RBFOX1: variants seen among roughly 807,000 people sequenced by gnomAD.
RBFOX1 encodes RNA binding protein fox-1 homolog 1.
Under a neutral mutation model 57.7 loss-of-function variants are expected in RBFOX1, and 8 were observed. The ratio of observed to expected loss-of-function variants is 0.14; its 90% CI spans 0.08 to 0.25. The LOEUF is 0.25. RBFOX1 is among the 10% of genes least tolerant of loss of function. The pLI is 1.00. For synonymous variants in RBFOX1, 326 were observed against 222.4 expected, an observed-to-expected ratio of 1.47 and a Z score of -4.15; for missense variants, 611 against 548.5, an observed-to-expected ratio of 1.11 and a Z score of -1.14.
chr16:7,596,257 A>G (rs187225199), intron 8 of RBFOX1, among the ~76,000 whole-genome samples: 1 of 150,590 alleles, frequency 6.6e-6, no homozygotes, highest in Non-Finnish European at 1.5e-5. Flanking sequence ...CCTGTTCAAT[A>G]TCTGGCCCCT....
intron 3 of RBFOX1, among the ~76,000 whole-genome samples, chr16:5,812,912 C>G (rs1377424314): frequency 1.3e-5 from 2 of 151,998 alleles, no homozygotes; most frequent in Non-Finnish European, 2.9e-5. Context: ...AGTTTCTGCT[C>G]AAATATTTTG....
At chr16:7,046,268 A>G (rs1036051215) in intron 3 of RBFOX1, among the ~76,000 whole-genome samples, 4 of 137,224 alleles carry the variant, frequency 2.9e-5, no homozygotes, top group African/African-American at 5.7e-5. Context: ...GTGTGTGTGT[A>G]CACATCCAGT....
chr16:7,324,471 T>A (rs370424847), intron 4 of RBFOX1, among the ~76,000 whole-genome samples: 1 of 152,104 alleles, frequency 6.6e-6, no homozygotes, highest in East Asian at 1.9e-4. Context: ...CAGGGGGTAT[T>A]TGTTTGCCTC....
At chr16:6,752,577 C>G (rs547638765) in intron 3 of RBFOX1, among the ~76,000 whole-genome samples, 1 of 152,342 alleles carries the variant, frequency 6.6e-6, no homozygotes, top group African/African-American at 2.4e-5. Flanking sequence ...ATACTCTTCA[C>G]TGAACTTTGT....
At chr16:7,434,348 A>T (rs950648189) in intron 4 of RBFOX1, among the ~76,000 whole-genome samples, 1 of 152,028 alleles carries the variant, frequency 6.6e-6, no homozygotes, top group South Asian at 2.1e-4. Context: ...GGCGGGCGCC[A>T]GTAGTCCCAG....
intron 3 of RBFOX1, among the ~76,000 whole-genome samples, chr16:6,860,132 C>A (rs78127638): frequency 0.085 from 12,940 of 152,198 alleles, 608 homozygotes; most frequent in South Asian, 0.11. Flanking sequence ...GCTAGCTGTT[C>A]ACTGCTTTCC....
chr16:6,189,777 T>G (rs1369393631), intron 1 of RBFOX1, among the ~76,000 whole-genome samples: 1 of 152,222 alleles, frequency 6.6e-6, no homozygotes, highest in East Asian at 1.9e-4. Flanking sequence ...TTAAAAAAAT[T>G]ATTCCATGGA....
At chr16:7,577,352 C>A (rs2093419611) in intron 5 of RBFOX1, among the ~76,000 whole-genome samples, 1 of 152,150 alleles carries the variant, frequency 6.6e-6, no homozygotes, top group Non-Finnish European at 1.5e-5. Context: ...TCCCTTCATA[C>A]ATGCCTCATC....
At chr16:6,120,042 G>C (rs1409071274) in intron 1 of RBFOX1, among the ~76,000 whole-genome samples, 2 of 152,150 alleles carry the variant, frequency 1.3e-5, no homozygotes, top group Admixed American at 6.5e-5. Context: ...TACAGTATGT[G>C]GCTGTTTGTG....
chr16:6,587,779 C>A (rs1423579027), intron 2 of RBFOX1, among the ~76,000 whole-genome samples: 1 of 152,102 alleles, frequency 6.6e-6, no homozygotes, highest in African/African-American at 2.4e-5. Flanking sequence ...CAGTGAAAAC[C>A]CATATAACTT....
At chr16:6,938,673 A>G (rs957099438) in intron 3 of RBFOX1, among the ~76,000 whole-genome samples, 1 of 152,130 alleles carries the variant, frequency 6.6e-6, no homozygotes, top group Admixed American at 6.6e-5. Context: ...TTTTGGTAGA[A>G]TTGGGGCTTT....
intron 4 of RBFOX1, among the ~76,000 whole-genome samples, chr16:7,165,312 C>G (rs777433181): frequency 1.3e-5 from 2 of 151,152 alleles, no homozygotes; most frequent in Non-Finnish European, 2.9e-5. Context: ...GCCATGCACC[C>G]TGGAATGGGC....
intron 14 of RBFOX1, among the ~76,000 whole-genome samples, chr16:7,686,801 TAGACAAGA>T (rs1371278798): frequency 6.6e-6 from 1 of 152,098 alleles, no homozygotes; most frequent in African/African-American, 2.4e-5. Context: ...CACCTGAGCC[TAGACAAGA>T]AGTGCAGTGG....
At chr16:6,942,205 C>A (rs1385633905) in intron 3 of RBFOX1, among the ~76,000 whole-genome samples, 1 of 152,156 alleles carries the variant, frequency 6.6e-6, no homozygotes, top group African/African-American at 2.4e-5. Flanking sequence ...CACCACTGTG[C>A]TCCAACCTGG....
chr16:5,816,526 C>T (rs377353717), intron 3 of RBFOX1, among the ~76,000 whole-genome samples: 1 of 152,128 alleles, frequency 6.6e-6, no homozygotes, highest in Non-Finnish European at 1.5e-5. Context: ...TATGCCTGGC[C>T]AGGCATGGAT....
chr16:5,970,570 T>C (rs1185439531), intron 4 of RBFOX1, among the ~76,000 whole-genome samples: 1 of 152,212 alleles, frequency 6.6e-6, no homozygotes, highest in African/African-American at 2.4e-5. Flanking sequence ...GATAGAAATC[T>C]TGACCCTGAG....
At chr16:5,952,889 T>C (rs2059549191) in intron 4 of RBFOX1, among the ~76,000 whole-genome samples, 1 of 152,228 alleles carries the variant, frequency 6.6e-6, no homozygotes, top group African/African-American at 2.4e-5. Flanking sequence ...CTGAAAATTA[T>C]GTTTCATTAG....
intron 2 of RBFOX1, among the ~76,000 whole-genome samples, chr16:5,551,990 C>G (rs1333915975): frequency 6.6e-6 from 1 of 152,110 alleles, no homozygotes; most frequent in African/African-American, 2.4e-5. Flanking sequence ...TTATGCTCAG[C>G]TCCTTTTTAT....
intron 2 of RBFOX1, among the ~76,000 whole-genome samples, chr16:6,653,970 CGGATGGAT>C (rs1158998142): frequency 6.6e-5 from 5 of 75,304 alleles, no homozygotes; most frequent in Non-Finnish European, 9.2e-5. Flanking sequence ...GATGGTTGGA[CGGATGGAT>C]GGATGGATGG....
Sources: gnomAD v4.1 joint callset for allele counts (sites outside exome capture counted in the v4.1 genomes callset) on GRCh38, gnomAD v4.1.1 for gene constraint, MANE v1.5 for transcripts, NCBI Gene and HGNC (gene_info 2026-07-23, HGNC 2026-07-21) for gene names.